The following CAMKMT variants were observed in gnomAD, a reference collection of about 807,000 sequenced individuals.
CAMKMT encodes calmodulin-lysine N-methyltransferase, also known as CaM KMT.
A neutral mutation model predicts 48.0 loss-of-function variants in CAMKMT; 53 were observed. The observed-to-expected ratio is 1.10, with a 90% CI of 0.89 to 1.39. The LOEUF is 1.39. Ranked by LOEUF, CAMKMT falls within the 40% of genes most tolerant of loss-of-function variation. CAMKMT has a pLI of 0.00. For missense variants in CAMKMT, 428 were observed against 402.7 expected (o/e 1.06, Z -0.54); for synonymous variants, 165 against 152.3 (o/e 1.08, Z -0.61).
intron 7 of CAMKMT, among the ~76,000 whole-genome samples, chr2:44,717,725 A>C (rs1036399625): frequency 6.6e-6 from 1 of 152,172 alleles, no homozygotes; most frequent in Non-Finnish European, 1.5e-5. Flanking sequence ...TAGCACTTCA[A>C]AGCTTGACAT....
intron 3 of CAMKMT, among the ~76,000 whole-genome samples, chr2:44,625,380 A>T (rs75957488): frequency 2.8e-4 from 42 of 152,134 alleles, no homozygotes; most frequent in African/African-American, 9.9e-4. Flanking sequence ...TATATAACCT[A>T]TACAAATACA....
intron 8 of CAMKMT, among the ~76,000 whole-genome samples, chr2:44,746,873 A>G (rs1178242565): frequency 2.0e-5 from 3 of 152,224 alleles, no homozygotes; most frequent in African/African-American, 7.2e-5. Context: ...CTGCCTTTCC[A>G]GACTCCTGTT....
chr2:44,493,835 CTTTG>C (rs1329584556), intron 3 of CAMKMT, among the ~76,000 whole-genome samples: 8 of 152,084 alleles, frequency 5.3e-5, no homozygotes, highest in Admixed American at 2.0e-4. Flanking sequence ...AAGGGTTTTA[CTTTG>C]TTTATTTCCT....
At chr2:44,570,466 C>T (rs1668847440) in intron 3 of CAMKMT, among the ~76,000 whole-genome samples, 1 of 152,118 alleles carries the variant, frequency 6.6e-6, no homozygotes, top group Non-Finnish European at 1.5e-5. Context: ...CAATTACATT[C>T]CAGGAACTTT....
At chr2:44,680,137 A>G (rs1379401013) in intron 3 of CAMKMT, among the ~76,000 whole-genome samples, 3 of 152,182 alleles carry the variant, frequency 2.0e-5, no homozygotes, top group Admixed American at 6.5e-5. Flanking sequence ...GTGTTGGGAT[A>G]TCAAGTGACG....
chr2:44,385,514 A>C (rs1485756743), intron 2 of CAMKMT, among the ~76,000 whole-genome samples: 1 of 151,526 alleles, frequency 6.6e-6, no homozygotes, highest in Admixed American at 6.6e-5. Flanking sequence ...TACTATGTTG[A>C]AGAGCAGTGG....
chr2:44,371,756 CTT>C lies in CAMKMT; in HGVS notation c.139-959_139-958del, dbSNP rs890577772. ...TTTTCTTTAAATATTTCATTATGAA[CTT>C]ATAAAAATGACATTAAAAAATCACA... On this transcript the variant is annotated intron_variant, in intron 1 of 10. Transcript: ENST00000378494. 1.5e-4 allele frequency among the ~76,000 whole-genome samples: 23 copies of C among 151,966 alleles called. No individual in the cohort carries two copies. The South Asian group carries it at 4.2e-3, about 27-fold the overall frequency.
chr2:44,763,096 T>C (rs915717143), intron 9 of CAMKMT, among the ~76,000 whole-genome samples: 1 of 152,170 alleles, frequency 6.6e-6, no homozygotes, highest in Non-Finnish European at 1.5e-5. Context: ...TCTAAACCCA[T>C]TCATTATGGG....
chr2:44,580,022 T>C (rs1482884002), intron 3 of CAMKMT, among the ~76,000 whole-genome samples: 2 of 152,134 alleles, frequency 1.3e-5, no homozygotes, highest in Non-Finnish European at 2.9e-5. Flanking sequence ...AAAAAGCAAA[T>C]GGGAAAGTTA....
At chr2:44,708,110 A>T (rs1313191263) in intron 6 of CAMKMT, among the ~76,000 whole-genome samples, 1 of 152,104 alleles carries the variant, frequency 6.6e-6, no homozygotes, top group Non-Finnish European at 1.5e-5. Context: ...CTAAGAAAGC[A>T]AGCATAAATG....
At chr2:44,374,948 A>AG (rs1245842620) in intron 2 of CAMKMT, among the ~76,000 whole-genome samples, 5 of 152,076 alleles carry the variant, frequency 3.3e-5, no homozygotes, top group Non-Finnish European at 7.4e-5. Context: ...TTGGCAACAT[A>AG]GGGAAACCCT....
chr2:44,458,434 AC>A (rs1228723871), intron 3 of CAMKMT, among the ~76,000 whole-genome samples: 2 of 152,162 alleles, frequency 1.3e-5, no homozygotes, highest in Non-Finnish European at 2.9e-5. Flanking sequence ...TATATTTCAC[AC>A]GGTTAAATGA....
intron 7 of CAMKMT, 69 bp from the exon 8 acceptor site, chr2:44,743,553 G>C: frequency 9.1e-7 from 1 of 1,096,668 alleles, no homozygotes; most frequent in East Asian, 2.5e-5. Flanking sequence ...AAAAAATAAT[G>C]TTAATAGCTC....
chr2:44,716,302 C>T (rs343956), intron 7 of CAMKMT, among the ~76,000 whole-genome samples: 106,761 of 152,054 alleles, frequency 0.7, 39,230 homozygotes, highest in African/African-American at 0.92. Flanking sequence ...AGACAAAGCC[C>T]ACAGACTGAT....
intron 2 of CAMKMT, among the ~76,000 whole-genome samples, chr2:44,388,761 T>C (rs1227130456): frequency 6.6e-6 from 1 of 152,182 alleles, no homozygotes; most frequent in Non-Finnish European, 1.5e-5. Flanking sequence ...GCAGAACTGC[T>C]GTGATGTCTC....
intron 3 of CAMKMT, among the ~76,000 whole-genome samples, chr2:44,629,364 G>A (rs1672675661): frequency 6.6e-6 from 1 of 151,642 alleles, no homozygotes; most frequent in South Asian, 2.1e-4. Context: ...TGTGCACATG[G>A]CATATCTCTT....
rs139227795 is a variant in CAMKMT at position 44,759,037 on chromosome 2, T to C, written c.762+4919T>C. On this transcript the variant is annotated intron_variant, in intron 9 of 10. Coordinates refer to ENST00000378494, the MANE Select transcript of CAMKMT (RefSeq NM_024766.5). ...GAATTCACTTAACCTTCTTCAGAAA[T>C]TGGCCCTACCCGATCACCAGATTCC... Among the ~76,000 whole-genome samples the C allele has an allele frequency of 2.1e-3, 324 of 151,960 alleles. 1 individual carries two copies. The highest frequency in any genetic ancestry group is 0.01 in the Middle Eastern group (3 of 294).
chr2:44,379,070 A>G (rs1454572732), intron 2 of CAMKMT, among the ~76,000 whole-genome samples: 14 of 152,062 alleles, frequency 9.2e-5, no homozygotes, highest in Admixed American at 8.5e-4. Flanking sequence ...GTAACTCCCC[A>G]TTCTCCTTCT....
At chr2:44,458,381 G>A (rs887575906) in intron 3 of CAMKMT, among the ~76,000 whole-genome samples, 3 of 152,082 alleles carry the variant, frequency 2.0e-5, no homozygotes, top group East Asian at 1.9e-4. Flanking sequence ...GAGTCACCTC[G>A]TGAAAACTCT....
Sources: gnomAD v4.1 joint callset for allele counts (sites outside exome capture counted in the v4.1 genomes callset) on GRCh38, gnomAD v4.1.1 for gene constraint, MANE v1.5 for transcripts, NCBI Gene and HGNC (gene_info 2026-07-23, HGNC 2026-07-21) for gene names.